IL10RB: variants seen among roughly 807,000 people sequenced by gnomAD.
The protein encoded by IL10RB is interleukin 10 receptor subunit beta, also known as interleukin-10 receptor subunit beta.
A neutral mutation model predicts 38.7 loss-of-function variants in IL10RB; 30 were observed. That is an observed-to-expected ratio of 0.78 (90% CI 0.58 to 1.05). IL10RB has a LOEUF of 1.05. Among genes scored for constraint, IL10RB ranks in the 50% least tolerant of loss-of-function variants. IL10RB has a pLI of 0.00. For missense variants in IL10RB, 328 were observed against 397.1 expected (o/e 0.83, Z 1.48); for synonymous variants, 142 against 145.9 (o/e 0.97, Z 0.19).
intron 2 of IL10RB, among the ~76,000 whole-genome samples, chr21:33,269,633 C>T (rs1989038459): frequency 1.3e-5 from 2 of 151,506 alleles, no homozygotes; most frequent in African/African-American, 4.8e-5. Context: ...TCCAAATAGC[C>T]TACAATCAGA....
Position 33,278,046 on chromosome 21 carries a change from CAAAAA to C in IL10RB, c.331+1310_331+1314del, listed in dbSNP as rs58709699. 4.5e-3 allele frequency among the ~76,000 whole-genome samples: 533 copies of C among 118,892 alleles called. 4 individuals carry two copies. The highest frequency in any genetic ancestry group is 7.6e-3 in the Admixed American group (86 of 11,372). The allele number at this position is 118,892 out of a possible 152,430, so 78.0% of individuals were successfully genotyped here. ...TCTCTACAAAAAACAAAAAAAATAC[CAAAAA>C]AAAAAAAAAAAAAAAATTAGCCAGG... On this transcript the variant is annotated intron_variant, in intron 3 of 6. Coordinates refer to ENST00000290200, the MANE Select transcript of IL10RB (RefSeq NM_000628.5).
intron 2 of IL10RB, among the ~76,000 whole-genome samples, chr21:33,274,270 C>T (rs1472441999): frequency 6.6e-6 from 1 of 152,162 alleles, no homozygotes; most frequent in Non-Finnish European, 1.5e-5. Context: ...ACTGCTGCCT[C>T]CACCTCCCAG....
At chr21:33,289,302 A>C (rs1989438307) in intron 6 of IL10RB, among the ~76,000 whole-genome samples, 1 of 152,218 alleles carries the variant, frequency 6.6e-6, no homozygotes, top group Non-Finnish European at 1.5e-5. Flanking sequence ...TACTGGAAGC[A>C]GCTCCTCCAG....
rs1058861 is a variant in IL10RB at position 33,288,184 on chromosome 21, G to T, written c.727G>T (p.Ala243Ser). The T allele has an allele frequency of 1.7e-4, 267 of 1,613,974 alleles. 1 individual carries two copies. The African/African-American group carries it at 2.9e-3, about 18-fold the overall frequency. ...MVCLALLGCF[A>S]LLWCVYKKTK... ...CTGCCTGGCACTCCTCGGCTGCTTC[G>T]CCTTGCTGTGGTGCGTTTACAAGAA... is the stretch of plus-strand genomic sequence containing the variant. Residue 243 changes from alanine to serine, a missense_variant, in exon 6 of 7, where the codon GCC (alanine) becomes TCC (serine). Coordinates refer to ENST00000290200, the MANE Select transcript of IL10RB (RefSeq NM_000628.5).
At chr21:33,282,781 TC>T (rs987540859) in intron 4 of IL10RB, among the ~76,000 whole-genome samples, 2 of 151,790 alleles carry the variant, frequency 1.3e-5, no homozygotes, top group Non-Finnish European at 2.9e-5. Flanking sequence ...AACTCCTCAG[TC>T]CCCCAAAGTG....
chr21:33,293,865 A>C (rs951680003), intron 6 of IL10RB: 5 of 395,682 alleles, frequency 1.3e-5, no homozygotes, highest in Non-Finnish European at 2.5e-5. Flanking sequence ...AGAATCCTCT[A>C]TGAGCTTTTG....
At position 33,297,168 on chromosome 21, in the gene IL10RB, A is replaced by G. The variant is rs1319803134; in HGVS notation, c.*811A>G. ...TTTGAATTTATTTTTCTACCTATAT[A>G]TGTTTTATATGCTGCTGGTGCTCCA... On this transcript the variant is annotated 3_prime_UTR_variant, in exon 7 of 7. Coordinates refer to ENST00000290200, the MANE Select transcript of IL10RB (RefSeq NM_000628.5). 2 of 153,980 alleles carry G rather than the reference A, an allele frequency of 1.3e-5. No individual in the cohort carries two copies. The highest frequency in any genetic ancestry group is 4.8e-5 in the African/African-American group (2 of 41,370). The allele number at this position is 153,980 out of a possible 1,614,324, so 9.5% of individuals were successfully genotyped here.
rs1253613608 is a variant in IL10RB, at chr21:33,279,790, G to A, written c.370G>A (p.Ala124Thr). Reference sequence around the variant, plus strand: ...CCCTGGAATGCAAGTAGAAGTACTTGCTGATTCTTTACATATGCGTTTCTT... The same window carrying A: ...CCCTGGAATGCAAGTAGAAGTACTTACTGATTCTTTACATATGCGTTTCTT... ...GPPGMQVEVLADSLHMRFLAP... is the reference protein window; with the variant it reads ...GPPGMQVEVLTDSLHMRFLAP... Residue 124 changes from alanine to threonine, a missense_variant, in exon 4 of 7, where the codon GCT becomes ACT. Ala to Thr is a moderately conservative substitution (Grantham distance 58, BLOSUM62 0). Coordinates refer to ENST00000290200, the MANE Select transcript of IL10RB (RefSeq NM_000628.5). 1 of 1,613,924 alleles carries A rather than the reference G, an allele frequency of 6.2e-7. No individual in the cohort carries two copies. Among genetic ancestry groups the A allele is most frequent in the South Asian group, 1.1e-5 (1 of 91,090 alleles).
chr21:33,310,047 A>G (rs2083008274), exon 2 of IL10RB: 1 of 152,178 alleles, frequency 6.6e-6, no homozygotes, highest in Non-Finnish European at 1.5e-5. Context: ...TCTCCACCAT[A>G]TGAGGACACA....
At position 33,266,375 on chromosome 21, in the gene IL10RB, T is replaced by G; in HGVS notation, c.-91T>G. ...CCCACCCCGCCCCGCCCATCTCCGC[T>G]GGTTCCCGGAAGCCGCCGCGGACAA... On this transcript the variant is annotated 5_prime_UTR_variant, in exon 1 of 7. Transcript: ENST00000290200. 6.9e-7 allele frequency: 1 copy of G among 1,440,836 alleles called. No individual in the cohort carries two copies. Among genetic ancestry groups the G allele is most frequent in the Non-Finnish European group, 9.4e-7 (1 of 1,066,030 alleles). 89.3% of individuals were successfully genotyped at this position (1,440,836 alleles called of 1,614,324 possible). A position where few individuals can be genotyped will look rare whatever the true frequency, so the allele number is the denominator to read the frequency against.
chr21:33,266,478 C>A lies in IL10RB; in HGVS notation c.13C>A (p.Leu5Ile). The A allele has an allele frequency of 6.5e-7, 1 of 1,542,694 alleles. No individual in the cohort carries two copies. Residue 5 changes from leucine (L) to isoleucine (I), a missense_variant, in exon 1 of 7, where the codon CTT (leucine) becomes ATT (isoleucine). Leu to Ile is a conservative substitution (Grantham distance 5). Coordinates refer to ENST00000290200, the MANE Select transcript of IL10RB (RefSeq NM_000628.5). MAWS[L>I]GSWLGGCLLV... is the part of the protein sequence containing the mutation. Reference sequence around the variant, plus strand: ...CCAGCGTCCGTCCATGGCGTGGAGCCTTGGGAGCTGGCTGGGTGGCTGCCT... The same window carrying A: ...CCAGCGTCCGTCCATGGCGTGGAGCATTGGGAGCTGGCTGGGTGGCTGCCT...
At chr21:33,281,439 C>T (rs1466042753) in intron 4 of IL10RB, among the ~76,000 whole-genome samples, 11 of 152,176 alleles carry the variant, frequency 7.2e-5, no homozygotes. Context: ...CACACATGCC[C>T]ACAACATGGG....
chr21:33,276,888 T>C (rs184520541), intron 3 of IL10RB, 135 bp downstream of exon 3: 9 of 707,048 alleles, frequency 1.3e-5, no homozygotes, highest in Non-Finnish European at 1.7e-5. Flanking sequence ...TTAAGGAATA[T>C]AATAAAGAGA....
intron 1 of IL10RB, among the ~76,000 whole-genome samples, chr21:33,306,680 C>T (rs913963430): frequency 2.0e-5 from 3 of 151,970 alleles, no homozygotes; most frequent in Non-Finnish European, 4.4e-5. Flanking sequence ...ACTACAGGTT[C>T]GTGCCACCAT....
intron 2 of IL10RB, among the ~76,000 whole-genome samples, chr21:33,274,329 A>G (rs1989133085): frequency 6.6e-6 from 1 of 151,798 alleles, no homozygotes. Flanking sequence ...ACACCACACC[A>G]GGCTAATTTT....
chr21:33,289,303 G>C (rs1397767302), intron 6 of IL10RB, among the ~76,000 whole-genome samples: 2 of 152,230 alleles, frequency 1.3e-5, no homozygotes, highest in Admixed American at 6.5e-5. Flanking sequence ...ACTGGAAGCA[G>C]CTCCTCCAGG....
At chr21:33,289,282 C>T (rs1989437780) in intron 6 of IL10RB, among the ~76,000 whole-genome samples, 1 of 152,190 alleles carries the variant, frequency 6.6e-6, no homozygotes. Flanking sequence ...CCCCTGGGAC[C>T]ACTTGGATCT....
intron 6 of IL10RB, among the ~76,000 whole-genome samples, chr21:33,295,131 C>T (rs1320309363): frequency 6.6e-6 from 1 of 151,554 alleles, no homozygotes; most frequent in African/African-American, 2.4e-5. Context: ...TTTGGGAGGC[C>T]AAGGTGGGCA....
At chr21:33,301,269 G>T (rs757782029), downstream of IL10RB, among the ~76,000 whole-genome samples, 23 of 152,118 alleles carry the variant, frequency 1.5e-4, no homozygotes, top group South Asian at 6.2e-4. Context: ...CCTGAGTCAG[G>T]TCCATGGTTC....
Sources: gnomAD v4.1 joint callset for allele counts (sites outside exome capture counted in the v4.1 genomes callset) on GRCh38, gnomAD v4.1.1 for gene constraint, MANE v1.5 for transcripts, NCBI Gene and HGNC (gene_info 2026-07-23, HGNC 2026-07-21) for gene names.